The following RDH12 variants were observed in gnomAD, a reference collection of about 807,000 sequenced individuals.
RDH12 encodes the protein retinol dehydrogenase 12, also known as all-trans and 9-cis retinol dehydrogenase.
In RDH12, 21 loss-of-function variants were observed where a neutral mutation model predicts 34.0. The ratio of observed to expected loss-of-function variants is 0.62; its 90% CI spans 0.44 to 0.89. The LOEUF (loss-of-function observed/expected upper bound fraction) is 0.89. Among genes scored for constraint, RDH12 ranks in the 40% least tolerant of loss-of-function variants. The pLI is 0.00. For synonymous variants in RDH12, 198 were observed against 169.9 expected (o/e 1.17, Z -1.29); for missense variants, 394 against 398.6 (o/e 0.99, Z 0.10).
At chr14:67,723,467 T>C (rs888720805) in intron 3 of RDH12, among the ~76,000 whole-genome samples, 1 of 152,190 alleles carries the variant, frequency 6.6e-6, no homozygotes, top group Admixed American at 6.5e-5. Context: ...ACTCCTGGGC[T>C]TAAGCGACCA....
intron 1 of RDH12, among the ~76,000 whole-genome samples, chr14:67,719,164 T>C (rs572285137): frequency 1.3e-4 from 20 of 152,348 alleles, no homozygotes; most frequent in Non-Finnish European, 2.1e-4. Context: ...TCATTGCCTA[T>C]GGATGACAGC....
At chr14:67,733,341 G>C (rs1396824520) in intron 8 of RDH12, among the ~76,000 whole-genome samples, 1 of 152,166 alleles carries the variant, frequency 6.6e-6, no homozygotes, top group Admixed American at 6.5e-5. Flanking sequence ...CTCCAACTGA[G>C]ATTTGGCATT....
At chr14:67,704,549 C>G (rs762122220) in intron 1 of RDH12, among the ~76,000 whole-genome samples, 35 of 152,076 alleles carry the variant, frequency 2.3e-4, no homozygotes, top group Non-Finnish European at 2.5e-4. Context: ...TAGGCACTTG[C>G]AAGTGGAAGG....
At chr14:67,704,482 T>C (rs560120216) in intron 1 of RDH12, among the ~76,000 whole-genome samples, 20 of 152,286 alleles carry the variant, frequency 1.3e-4, no homozygotes, top group Admixed American at 1.1e-3. Context: ...TCGGAACAGC[T>C]CCATTTTGGC....
chr14:67,733,747 G>C lies in RDH12; in HGVS notation c.850G>C (p.Asp284His), dbSNP rs2038315586. 1 of 1,609,640 alleles carries C rather than the reference G, an allele frequency of 6.2e-7. No individual in the cohort carries two copies. The highest frequency in any genetic ancestry group is 8.5e-7 in the Non-Finnish European group (1 of 1,176,298). Residue 284 changes from aspartate (D) to histidine (H), a missense_variant and splice_region_variant, in exon 9 of 9, where the codon GAC becomes CAC. Coordinates refer to ENST00000551171, the MANE Select transcript of RDH12 (RefSeq NM_152443.3). Reference sequence around the variant, plus strand: ...TTACTGTCTTTCTCTGCCCTCCAGTGACTGCAAGAGGACCTGGGTGTCTCC... The same window carrying C: ...TTACTGTCTTTCTCTGCCCTCCAGTCACTGCAAGAGGACCTGGGTGTCTCC... ...LEPLSGKYFS[D>H]CKRTWVSPRA... is the part of the protein sequence containing the mutation.
Position 67,709,081 on chromosome 14 carries a change from G to A in RDH12, c.-275+7146G>A, listed in dbSNP as rs137926923. 4.6e-3 allele frequency among the ~76,000 whole-genome samples: 697 copies of A among 152,286 alleles called. 5 individuals carry two copies. The highest frequency in any genetic ancestry group is 0.011 in the African/African-American group (463 of 41,556). On this transcript the variant is annotated intron_variant, in intron 1 of 8. Transcript: ENST00000551171. Reference sequence around the variant, plus strand: ...GCTGGGATTACAGGTGTGAGCCACTGTGCCAGGCCCAACAATATCTTAAAG... The same window carrying A: ...GCTGGGATTACAGGTGTGAGCCACTATGCCAGGCCCAACAATATCTTAAAG...
In RDH12 at chr14:67,727,482, T is replaced by G. The variant is rs1034304298; in HGVS notation, c.658+292T>G. The G allele has an allele frequency of 7.0e-4, 245 of 349,738 alleles. 4 individuals are homozygous for G. The highest frequency in any genetic ancestry group is 9.3e-4 in the Non-Finnish European group (171 of 183,662). The allele number at this position is 349,738 out of a possible 1,614,324, so 21.7% of individuals were successfully genotyped here. ...CAACAGACAGAGGCTTTTTGTTTTT[T>G]TTGTTTTTTTTTTTTTGAGACTTGA... On this transcript the variant is annotated intron_variant, in intron 7 of 8. Transcript: ENST00000551171.
chr14:67,731,519 C>T (rs964502256), intron 8 of RDH12, among the ~76,000 whole-genome samples: 1 of 151,774 alleles, frequency 6.6e-6, no homozygotes, highest in Non-Finnish European at 1.5e-5. Flanking sequence ...CTGGTCTTCC[C>T]ATCATATTTC....
At chr14:67,702,990 G>GTT (rs35021040) in intron 1 of RDH12, among the ~76,000 whole-genome samples, 18 of 149,118 alleles carry the variant, frequency 1.2e-4, no homozygotes, top group African/African-American at 1.5e-4. Context: ...ACTTAAAAAA[G>GTT]TTTTTTTTTT....
chr14:67,729,533 G>C (rs2038240129), intron 8 of RDH12, 153 bp downstream of exon 8: 1 of 746,758 alleles, frequency 1.3e-6, no homozygotes, highest in Admixed American at 2.0e-5. Flanking sequence ...GCTTTGTTAA[G>C]GAAACTTACA....
At position 67,726,155 on chromosome 14, in the gene RDH12, GGTAA is replaced by G. The variant is rs774690294; in HGVS notation, c.448+4_448+7del. On this transcript the variant is annotated splice_donor_variant and splice_donor_region_variant and intron_variant, in intron 6 of 8. Transcript: ENST00000551171. LOFTEE classifies it high-confidence loss of function. The stretch of plus-strand genomic sequence containing the variant: ...AACCCACCTGGGAGTCAACCACCTG[GGTAA>G]GTATCTTTGGGTGACTAAAAAATGA... 7.6e-6 allele frequency: 12 copies of G among 1,589,276 alleles called. No individual in the cohort carries two copies. Among genetic ancestry groups the G allele is most frequent in the African/African-American group, 2.7e-5 (2 of 74,338 alleles).
At chr14:67,730,895 C>T (rs1002092425) in intron 8 of RDH12, among the ~76,000 whole-genome samples, 7 of 152,142 alleles carry the variant, frequency 4.6e-5, no homozygotes, top group African/African-American at 9.7e-5. Context: ...TGAGCCACCG[C>T]GCCCAGCCCC....
chr14:67,726,197 ATCTTT>A (rs759981712), intron 6 of RDH12, 42 bp downstream of exon 6: 2 of 1,140,810 alleles, frequency 1.8e-6, no homozygotes, highest in African/African-American at 3.0e-5. Flanking sequence ...TACACCCACT[ATCTTT>A]TCTTTAGGAA....
At chr14:67,714,552 A>T (rs2038047494) in intron 1 of RDH12, 1 of 162,568 alleles carries the variant, frequency 6.2e-6, no homozygotes, top group South Asian at 1.6e-4. Context: ...AAAATGAGGA[A>T]CACTAAGGGA....
chr14:67,716,389 G>A (rs893790279), intron 1 of RDH12, among the ~76,000 whole-genome samples: 4 of 151,964 alleles, frequency 2.6e-5, no homozygotes, highest in African/African-American at 7.3e-5. Flanking sequence ...GATTTCTTCA[G>A]CTGAAAAAAA....
chr14:67,717,078 C>A (rs956206482), intron 1 of RDH12, among the ~76,000 whole-genome samples: 1 of 150,604 alleles, frequency 6.6e-6, no homozygotes, highest in African/African-American at 2.5e-5. Context: ...TACCCTTCCC[C>A]TTTAAAAACT....
Position 67,725,526 on chromosome 14 carries a change from A to G in RDH12, c.343+272A>G, listed in dbSNP as rs141991386. 1.3e-3 allele frequency among the ~76,000 whole-genome samples: 196 copies of G among 152,302 alleles called. 1 individual carries two copies. Among genetic ancestry groups the G allele is most frequent in the Non-Finnish European group, 2.0e-3 (139 of 68,036 alleles). ...ACCTTGGCATCAAGGTGTGGCCACA[A>G]TGCCACTCTCTTCTTTCATCCTGAG... On this transcript the variant is annotated intron_variant, in intron 5 of 8. Transcript: ENST00000551171.
intron 3 of RDH12, 127 bp downstream of exon 3, chr14:67,722,837 G>A (rs1023394894): frequency 9.4e-5 from 78 of 829,572 alleles, no homozygotes; most frequent in Non-Finnish European, 1.5e-4. Flanking sequence ...AGGAAAAGCA[G>A]GAAGGAAGGG....
rs1594867823 is a variant in RDH12, at chr14:67,729,693, C to G, written c.848+313C>G. The G allele has an allele frequency of 1.1e-5, 6 of 558,892 alleles. No individual in the cohort carries two copies. In the East Asian group the frequency reaches 2.4e-4, roughly 23 times the overall value. 34.6% of individuals were successfully genotyped at this position (558,892 alleles called of 1,614,324 possible). A position where few individuals can be genotyped will look rare whatever the true frequency, so the allele number is the denominator to read the frequency against. Reference sequence around the variant, plus strand: ...CCATGGAGATCTGGATCGTTTTTCTCCTTCTTTAAGCTTTTGGCTCACTTG... The same window carrying G: ...CCATGGAGATCTGGATCGTTTTTCTGCTTCTTTAAGCTTTTGGCTCACTTG... On this transcript the variant is annotated intron_variant, in intron 8 of 8. Coordinates refer to ENST00000551171, the MANE Select transcript of RDH12 (RefSeq NM_152443.3).
Sources: allele counts gnomAD v4.1 joint callset (sites outside exome capture counted in the v4.1 genomes callset), GRCh38; gene constraint gnomAD v4.1.1; transcripts MANE v1.5; gene names NCBI Gene and HGNC (gene_info 2026-07-23, HGNC 2026-07-21).